PARD3: variants seen among roughly 807,000 people sequenced by gnomAD.
PARD3 encodes partitioning defective 3 homolog.
PARD3 carries 75 observed loss-of-function variants against 155.4 expected under a neutral mutation model. The observed-to-expected ratio is 0.48, with a 90% CI of 0.40 to 0.58. The LOEUF is 0.58. PARD3 is among the 20% of genes least tolerant of loss of function. The pLI, the probability that PARD3 is intolerant of heterozygous loss-of-function variation, is 0.00. For synonymous variants in PARD3, 576 were observed against 610.5 expected (o/e 0.94, Z 0.83); for missense variants, 1,642 against 1,721.7 (o/e 0.95, Z 0.82).
intron 4 of PARD3, among the ~76,000 whole-genome samples, chr10:34,461,344 C>A (rs1026461643): frequency 3.3e-5 from 5 of 152,272 alleles, no homozygotes; most frequent in African/African-American, 1.2e-4. Flanking sequence ...GTGGCTGATG[C>A]CTGTAATCCC....
At chr10:34,631,118 A>G (rs1291623955) in intron 2 of PARD3, among the ~76,000 whole-genome samples, 1 of 151,948 alleles carries the variant, frequency 6.6e-6, no homozygotes, top group African/African-American at 2.4e-5. Context: ...CCCAGCCTAG[A>G]TTTTTCTTTT....
chr10:34,382,982 T>C, intron 8 of PARD3, 60 bp from the exon 9 acceptor site: 1 of 1,558,080 alleles, frequency 6.4e-7, no homozygotes, highest in South Asian at 1.2e-5. Context: ...GAAGATATTA[T>C]GAGCTTAATT....
chr10:34,743,742 C>T (rs915478305), intron 1 of PARD3, among the ~76,000 whole-genome samples: 3 of 152,172 alleles, frequency 2.0e-5, no homozygotes, highest in Non-Finnish European at 4.4e-5. Flanking sequence ...ATTGAACCTG[C>T]ACATCGGCTG....
chr10:34,251,103 C>T (rs1304481882), intron 22 of PARD3, among the ~76,000 whole-genome samples: 3 of 152,142 alleles, frequency 2.0e-5, no homozygotes, highest in Non-Finnish European at 4.4e-5. Flanking sequence ...TTCCTAATTA[C>T]AGAAATTAAT....
At chr10:34,399,299 G>GTTTTACATAATTACCTTATTCTAC in intron 7 of PARD3, 31 bp downstream of exon 7, 1 of 1,296,926 alleles carries the variant, frequency 7.7e-7, no homozygotes, top group Non-Finnish European at 1.1e-6. Context: ...TCTACATTAT[G>GTTTTACATAATTACCTTATTCTAC]ATTCAATTAA....
chr10:34,736,270 T>C (rs1436079445), intron 1 of PARD3, among the ~76,000 whole-genome samples: 1 of 151,714 alleles, frequency 6.6e-6, no homozygotes, highest in Admixed American at 6.6e-5. Context: ...GACCTCATGA[T>C]CCGCCTGCCT....
intron 2 of PARD3, among the ~76,000 whole-genome samples, chr10:34,569,586 T>G (rs925977283): frequency 2.6e-5 from 4 of 151,912 alleles, no homozygotes; most frequent in African/African-American, 9.7e-5. Context: ...CCCAGCTAAT[T>G]TTTTGTATTT....
intron 1 of PARD3, among the ~76,000 whole-genome samples, chr10:34,769,959 T>C (rs773036246): frequency 5.3e-5 from 8 of 152,122 alleles, no homozygotes; most frequent in Admixed American, 2.6e-4. Context: ...CCTTCTCTAG[T>C]ACACCCTTAC....
At chr10:34,149,342 T>C (rs1251517035) in intron 22 of PARD3, among the ~76,000 whole-genome samples, 2 of 152,088 alleles carry the variant, frequency 1.3e-5, no homozygotes, top group East Asian at 1.9e-4. Flanking sequence ...TCTATGAACA[T>C]GTTACTATTT....
At chr10:34,532,544 CTT>C (rs1470288220) in intron 2 of PARD3, among the ~76,000 whole-genome samples, 4 of 152,152 alleles carry the variant, frequency 2.6e-5, no homozygotes, top group African/African-American at 9.7e-5. Flanking sequence ...TTATAGAACA[CTT>C]TGTTAATCTA....
At chr10:34,676,183 A>G (rs2093702338) in intron 2 of PARD3, 1 of 152,224 alleles carries the variant, frequency 6.6e-6, no homozygotes, top group Admixed American at 6.6e-5. Flanking sequence ...TATTCCAACT[A>G]CATCTCCCTC....
intron 2 of PARD3, among the ~76,000 whole-genome samples, chr10:34,554,703 C>T (rs565165648): frequency 2.0e-5 from 3 of 152,156 alleles, no homozygotes; most frequent in South Asian, 2.1e-4. Flanking sequence ...CGTTAGGAAT[C>T]GAAATCTCAC....
intron 1 of PARD3, among the ~76,000 whole-genome samples, chr10:34,739,928 G>A (rs1376059076): frequency 1.3e-5 from 2 of 152,188 alleles, no homozygotes; most frequent in Non-Finnish European, 2.9e-5. Context: ...GATAAGTCAG[G>A]AGGAGGGCAG....
chr10:34,786,888 T>C (rs1056438509), intron 1 of PARD3, among the ~76,000 whole-genome samples: 2 of 152,188 alleles, frequency 1.3e-5, no homozygotes, highest in Admixed American at 6.6e-5. Context: ...GAGATCATTA[T>C]TTTAGGTAGA....
At chr10:34,549,994 A>G (rs554357919) in intron 2 of PARD3, among the ~76,000 whole-genome samples, 32 of 152,280 alleles carry the variant, frequency 2.1e-4, no homozygotes, top group Non-Finnish European at 2.8e-4. Flanking sequence ...AACAAGAATC[A>G]TGCTGCTTTA....
intron 20 of PARD3, among the ~76,000 whole-genome samples, chr10:34,302,633 A>G (rs1957208614): frequency 6.6e-6 from 1 of 152,210 alleles, no homozygotes; most frequent in Non-Finnish European, 1.5e-5. Context: ...TGTTTACTTT[A>G]GCTATCTGTG....
intron 1 of PARD3, among the ~76,000 whole-genome samples, chr10:34,767,655 GTGGCATAATC>G (rs930090125): frequency 3.7e-4 from 57 of 152,046 alleles, no homozygotes; most frequent in African/African-American, 1.3e-3. Flanking sequence ...CTGGAGAGCA[GTGGCATAATC>G]TGGGCTCACT....
intron 2 of PARD3, among the ~76,000 whole-genome samples, chr10:34,684,876 C>CAA (rs2093927076): frequency 1.0e-5 from 1 of 98,316 alleles, no homozygotes; most frequent in Non-Finnish European, 2.0e-5. Context: ...TATACACACA[C>CAA]ATACACACAC....
intron 12 of PARD3, among the ~76,000 whole-genome samples, chr10:34,365,607 G>C (rs1463300041): frequency 6.6e-6 from 1 of 152,134 alleles, no homozygotes; most frequent in Non-Finnish European, 1.5e-5. Flanking sequence ...TATTTTTTCT[G>C]AGATGGAGTC....
Sources: allele counts gnomAD v4.1 joint callset (sites outside exome capture counted in the v4.1 genomes callset), GRCh38; gene constraint gnomAD v4.1.1; transcripts MANE v1.5; gene names NCBI Gene and HGNC (gene_info 2026-07-23, HGNC 2026-07-21).